The following LIFR variants were observed in gnomAD, a reference collection of about 807,000 sequenced individuals.
LIFR encodes the protein leukemia inhibitory factor receptor.
Under a neutral mutation model 122.2 loss-of-function variants are expected in LIFR, and 84 were observed. The observed-to-expected ratio is 0.69, with a 90% confidence interval of 0.58 to 0.82. The LOEUF is 0.82. Ranked by LOEUF, LIFR falls within the 40% of genes least tolerant of loss-of-function variation. The pLI, the probability that LIFR is intolerant of heterozygous loss-of-function variation, is 0.00. For missense variants in LIFR, 1,294 were observed against 1,311.6 expected, an observed-to-expected ratio of 0.99 and a Z score of 0.21; for synonymous variants, 422 against 434.7, an observed-to-expected ratio of 0.97 and a Z score of 0.36.
At chr5:38,518,456 T>G (rs980302340) in intron 5 of LIFR, among the ~76,000 whole-genome samples, 7 of 152,180 alleles carry the variant, frequency 4.6e-5, no homozygotes, top group Non-Finnish European at 8.8e-5. Context: ...TGGGACCACA[T>G]ATACCATGGT....
chr5:38,476,534 T>TTA lies in LIFR; in HGVS notation c.*5060_*5061insTA. On this transcript the variant is annotated 3_prime_UTR_variant, in exon 20 of 20. Coordinates refer to ENST00000453190, the MANE Select transcript of LIFR (RefSeq NM_001127671.2). ...TCTATGTTGTTAGCTTTTTTTTTTT[T>TTA]AAAGTTCTGATTGGCTACTGTAAAG... 2 of 205,638 alleles carry TTA rather than the reference T, an allele frequency of 9.7e-6. No homozygotes were observed. Among genetic ancestry groups the TTA allele is most frequent in the African/African-American group, 2.3e-5 (1 of 43,746 alleles). 12.7% of individuals were successfully genotyped at this position (205,638 alleles called of 1,614,324 possible).
chr5:38,528,182 CTG>C (rs1485734086), intron 3 of LIFR, among the ~76,000 whole-genome samples: 1 of 152,214 alleles, frequency 6.6e-6, no homozygotes, highest in Non-Finnish European at 1.5e-5. Flanking sequence ...AGAAAACTGA[CTG>C]TGCCTACTCC....
At chr5:38,538,671 C>A (rs1178515266) in intron 1 of LIFR, among the ~76,000 whole-genome samples, 1 of 152,228 alleles carries the variant, frequency 6.6e-6, no homozygotes. Flanking sequence ...CATCCTCTCC[C>A]TCCAGTCCAT....
rs538517303 is a variant in LIFR at position 38,530,765 on chromosome 5, A to T, written c.-19-99T>A. The stretch of plus-strand genomic sequence containing the variant: ...CTCAAATAGATTCTGACAGATTCTG[A>T]AACACTGTACATTTAGAGACTTTGG... On this transcript the variant is annotated intron_variant, in intron 1 of 19. Coordinates refer to ENST00000453190, the MANE Select transcript of LIFR (RefSeq NM_001127671.2). 2.5e-4 allele frequency: 269 copies of T among 1,067,642 alleles called. 2 individuals carry two copies. Among genetic ancestry groups the T allele is most frequent in the South Asian group, 1.3e-3 (100 of 78,578 alleles). The allele number at this position is 1,067,642 out of a possible 1,614,324, so 66.1% of individuals were successfully genotyped here.
chr5:38,580,353 T>C (rs1158628763), intron 1 of LIFR, among the ~76,000 whole-genome samples: 1 of 152,166 alleles, frequency 6.6e-6, no homozygotes, highest in Non-Finnish European at 1.5e-5. Context: ...GTCATTGTGG[T>C]GATCATCATT....
intron 1 of LIFR, among the ~76,000 whole-genome samples, chr5:38,588,787 CTT>C (rs1749829630): frequency 6.6e-6 from 1 of 152,120 alleles, no homozygotes; most frequent in East Asian, 1.9e-4. Flanking sequence ...ACGATCTGAA[CTT>C]GAGAATTTGC....
chr5:38,607,275 C>T (rs1212607574), intron 1 of LIFR, among the ~76,000 whole-genome samples: 1 of 152,132 alleles, frequency 6.6e-6, no homozygotes, highest in African/African-American at 2.4e-5. Flanking sequence ...TATGTATAAC[C>T]AGAGCCTGTG....
At chr5:38,576,380 A>G (rs1749386213) in intron 1 of LIFR, among the ~76,000 whole-genome samples, 1 of 152,176 alleles carries the variant, frequency 6.6e-6, no homozygotes, top group Non-Finnish European at 1.5e-5. Context: ...AATTTCTTAC[A>G]GGTAAGAGCC....
chr5:38,519,395 T>C (rs950079323), intron 5 of LIFR, among the ~76,000 whole-genome samples: 1 of 152,234 alleles, frequency 6.6e-6, no homozygotes. Context: ...ATGCACAGAA[T>C]GTGTAATGAT....
At chr5:38,602,211 A>G (rs553935167) in intron 2 of LIFR, among the ~76,000 whole-genome samples, 38 of 152,342 alleles carry the variant, frequency 2.5e-4, no homozygotes, top group South Asian at 1.7e-3. Context: ...ATGTTACTCC[A>G]TAGTTCAGTG....
upstream of LIFR, chr5:38,557,386 C>G (rs375523199): frequency 1.9e-5 from 3 of 154,178 alleles, no homozygotes; most frequent in African/African-American, 4.8e-5. Flanking sequence ...GAGTAATCAC[C>G]AAATGAAATT....
chr5:38,554,653 T>C (rs1033855778), intron 1 of LIFR, among the ~76,000 whole-genome samples: 16 of 152,204 alleles, frequency 1.1e-4, no homozygotes, highest in Middle Eastern at 3.4e-3. Flanking sequence ...TCCTCATCTT[T>C]AGGAATACAA....
chr5:38,538,632 T>A (rs1006872097), intron 1 of LIFR, among the ~76,000 whole-genome samples: 7 of 152,120 alleles, frequency 4.6e-5, no homozygotes, highest in Non-Finnish European at 8.8e-5. Context: ...CTTGCCACTT[T>A]TACCTAAAAC....
chr5:38,585,295 C>CA (rs1431823009), intron 1 of LIFR, among the ~76,000 whole-genome samples: 1 of 152,104 alleles, frequency 6.6e-6, no homozygotes, highest in African/African-American at 2.4e-5. Context: ...GTTTTAGTAA[C>CA]TGTAATACAT....
chr5:38,511,898 G>C lies in LIFR; in HGVS notation c.628C>G (p.Pro210Ala). 1 of 1,614,052 alleles carries C rather than the reference G, an allele frequency of 6.2e-7. No homozygotes were observed. Among genetic ancestry groups the C allele is most frequent in the Non-Finnish European group, 8.5e-7 (1 of 1,179,952 alleles). ...LHHWSWASDM[P>A]LECAIHFVEI... ...ACAAAATGAATGGCACATTCCAAGG[G>C]CATATCTGAGGCCCAACTCCAGTGA... is the stretch of plus-strand genomic sequence containing the variant. Residue 210 changes from proline to alanine, a missense_variant, in exon 6 of 20, where the codon CCC (proline) becomes GCC (alanine). By Grantham distance (27) the Pro-to-Ala change is conservative. Transcript: ENST00000453190.
At chr5:38,551,993 C>T (rs1469568752) in intron 1 of LIFR, among the ~76,000 whole-genome samples, 2 of 152,122 alleles carry the variant, frequency 1.3e-5, no homozygotes, top group East Asian at 1.9e-4. Flanking sequence ...CTAAATTTAC[C>T]CCAACTGGTA....
intron 13 of LIFR, among the ~76,000 whole-genome samples, chr5:38,494,775 C>G (rs912359197): frequency 1.3e-4 from 20 of 152,292 alleles, no homozygotes; most frequent in Admixed American, 3.9e-4. Flanking sequence ...AGCCTGCAAA[C>G]TGCAGGTGAG....
intron 1 of LIFR, among the ~76,000 whole-genome samples, chr5:38,545,778 C>T (rs946597193): frequency 2.0e-5 from 3 of 149,510 alleles, no homozygotes; most frequent in Non-Finnish European, 4.4e-5. Context: ...AGGAGAATGG[C>T]GTGAACCCGG....
At chr5:38,555,382 A>C (rs548636346) in intron 1 of LIFR, among the ~76,000 whole-genome samples, 131 of 152,296 alleles carry the variant, frequency 8.6e-4, no homozygotes, top group African/African-American at 3.0e-3. Flanking sequence ...GTTTGCCTTA[A>C]ATTTAATTTC....
Sources: gnomAD v4.1 joint callset for allele counts (sites outside exome capture counted in the v4.1 genomes callset) on GRCh38, gnomAD v4.1.1 for gene constraint, MANE v1.5 for transcripts, NCBI Gene and HGNC (gene_info 2026-07-23, HGNC 2026-07-21) for gene names.